The following DAB1 variants were observed in gnomAD, a reference collection of about 807,000 sequenced individuals.
DAB1 encodes disabled homolog 1.
Under a neutral mutation model 64.6 loss-of-function variants are expected in DAB1, and 15 were observed. That is an observed-to-expected ratio of 0.23 (90% confidence interval 0.16 to 0.36). The LOEUF (loss-of-function observed/expected upper bound fraction) is 0.36, where lower values mean the gene tolerates loss of function less well. Ranked by LOEUF, DAB1 falls within the 10% of genes least tolerant of loss-of-function variation. The pLI, the probability that DAB1 is intolerant of heterozygous loss-of-function variation, is 1.00. For synonymous variants in DAB1, 235 were observed against 251.9 expected (o/e 0.93, Z 0.64); for missense variants, 596 against 706.7 (o/e 0.84, Z 1.78).
chr1:57,195,697 A>G (rs1357230732), intron 2 of DAB1, among the ~76,000 whole-genome samples: 1 of 152,192 alleles, frequency 6.6e-6, no homozygotes, highest in Non-Finnish European at 1.5e-5. Flanking sequence ...AGCATCTCCT[A>G]ATTGTGTGAC....
chr1:57,810,324 A>G (rs1651560395), intron 6 of DAB1, among the ~76,000 whole-genome samples: 1 of 152,182 alleles, frequency 6.6e-6, no homozygotes, highest in African/African-American at 2.4e-5. Context: ...GCACAGGGTG[A>G]TGGAGGGAGA....
At chr1:58,117,253 T>A (rs1286609650) in intron 5 of DAB1, among the ~76,000 whole-genome samples, 1 of 152,212 alleles carries the variant, frequency 6.6e-6, no homozygotes, top group Admixed American at 6.5e-5. Context: ...AGTAAGTTAC[T>A]TATGCATGCC....
chr1:57,193,440 G>A (rs1278566009), intron 2 of DAB1, among the ~76,000 whole-genome samples: 1 of 130,210 alleles, frequency 7.7e-6, no homozygotes, highest in East Asian at 2.3e-4. Flanking sequence ...AGGCTGGAGT[G>A]CAGTGGCGCG....
intron 7 of DAB1, among the ~76,000 whole-genome samples, chr1:57,512,940 C>T (rs1644422103): frequency 1.3e-5 from 2 of 152,156 alleles, no homozygotes; most frequent in African/African-American, 4.8e-5. Context: ...TCTGGGAACA[C>T]CTGCAGAGCC....
At chr1:57,674,093 C>G (rs1646538349) in intron 6 of DAB1, among the ~76,000 whole-genome samples, 1 of 152,138 alleles carries the variant, frequency 6.6e-6, no homozygotes, top group South Asian at 2.1e-4. Flanking sequence ...CAGAGAGAAT[C>G]AGCTTAAAAG....
At chr1:57,262,317 A>C (rs1055608653) in intron 2 of DAB1, among the ~76,000 whole-genome samples, 1 of 152,162 alleles carries the variant, frequency 6.6e-6, no homozygotes, top group Non-Finnish European at 1.5e-5. Context: ...AATCACATCA[A>C]CTCCAATCAT....
chr1:58,435,139 G>T (rs1644927289), intron 3 of DAB1, among the ~76,000 whole-genome samples: 1 of 152,138 alleles, frequency 6.6e-6, no homozygotes, highest in Admixed American at 6.5e-5. Context: ...TGGGAGATTG[G>T]TGGGCAGGAG....
intron 1 of DAB1, among the ~76,000 whole-genome samples, chr1:57,391,812 C>CACACACAG (rs1553176656): frequency 9.2e-5 from 13 of 141,796 alleles, no homozygotes; most frequent in African/African-American, 2.4e-4. Context: ...CACACACACA[C>CACACACAG]AGAGAGAGGA....
chr1:57,495,384 A>C (rs1644218407), intron 7 of DAB1, among the ~76,000 whole-genome samples: 1 of 152,168 alleles, frequency 6.6e-6, no homozygotes, highest in Non-Finnish European at 1.5e-5. Context: ...ATCATGCTGC[A>C]CTGTTTCTGG....
intron 1 of DAB1, among the ~76,000 whole-genome samples, chr1:57,856,023 T>C (rs1230155571): frequency 6.6e-6 from 1 of 152,140 alleles, no homozygotes; most frequent in Non-Finnish European, 1.5e-5. Flanking sequence ...CAGATAAATA[T>C]ACGATGTGAA....
chr1:57,210,555 T>C (rs1218946577), intron 2 of DAB1, among the ~76,000 whole-genome samples: 1 of 152,150 alleles, frequency 6.6e-6, no homozygotes, highest in Non-Finnish European at 1.5e-5. Context: ...TCATTAGTGG[T>C]ATACCAAAGG....
At chr1:58,233,317 C>G (rs972869062) in intron 4 of DAB1, among the ~76,000 whole-genome samples, 5 of 152,100 alleles carry the variant, frequency 3.3e-5, no homozygotes, top group Non-Finnish European at 7.4e-5. Flanking sequence ...ATCATTATCC[C>G]CAATTCATAG....
rs536414575 is a variant in DAB1 at position 58,472,374 on chromosome 1, G to T, written n.257+33686C>A. ...GAGATGTGGCCTCCCCTTGTCCTTG[G>T]TATATTTGGTCCTGATATAACTTTA... On this transcript the variant is annotated intron_variant and non_coding_transcript_variant, in intron 3 of 20. Transcript: ENST00000485760. Among the ~76,000 whole-genome samples, 3 of 152,244 alleles carry T rather than the reference G, an allele frequency of 2.0e-5. No individual in the cohort carries two copies. In the South Asian group the frequency reaches 6.2e-4, roughly 32 times the overall value.
At chr1:57,577,368 GC>G (rs1349783761) in intron 7 of DAB1, among the ~76,000 whole-genome samples, 2 of 151,908 alleles carry the variant, frequency 1.3e-5, no homozygotes, top group African/African-American at 4.8e-5. Flanking sequence ...TGTTTGACAG[GC>G]TGGGACCTCT....
chr1:57,943,011 A>T (rs188849387), intron 5 of DAB1, among the ~76,000 whole-genome samples: 33 of 152,332 alleles, frequency 2.2e-4, no homozygotes, highest in African/African-American at 7.2e-4. Flanking sequence ...AATTAACTTC[A>T]TAACAGTGCT....
intron 7 of DAB1, among the ~76,000 whole-genome samples, chr1:57,530,506 A>G (rs1275827271): frequency 6.6e-6 from 1 of 152,230 alleles, no homozygotes; most frequent in Non-Finnish European, 1.5e-5. Context: ...TCTTTACTAC[A>G]TGATCTAATA....
At chr1:57,337,387 G>A (rs2100815753) in intron 1 of DAB1, among the ~76,000 whole-genome samples, 1 of 152,080 alleles carries the variant, frequency 6.6e-6, no homozygotes, top group South Asian at 2.1e-4. Context: ...AAACACACAG[G>A]GCTCACCCCT....
At chr1:57,337,897 CT>C (rs1677221841) in intron 1 of DAB1, among the ~76,000 whole-genome samples, 1 of 129,598 alleles carries the variant, frequency 7.7e-6, no homozygotes, top group African/African-American at 2.8e-5. Flanking sequence ...CTTCCCTTCC[CT>C]TCCCTTCCCT....
At position 58,488,730 on chromosome 1, in the gene DAB1, G is replaced by A. The variant is rs185530827; in HGVS notation, n.257+17330C>T. 5.2e-4 allele frequency among the ~76,000 whole-genome samples: 79 copies of A among 152,266 alleles called. No individual in the cohort carries two copies. The East Asian group carries it at 8.1e-3, about 16-fold the overall frequency. The stretch of plus-strand genomic sequence containing the variant: ...CTCCAAAAGTGCTGGGATTACAGGC[G>A]TGAGCCACCACGCCCAGCCCCAGTG... On this transcript the variant is annotated intron_variant and non_coding_transcript_variant, in intron 3 of 20. Coordinates refer to the DAB1 transcript ENST00000485760.
Sources: gnomAD v4.1 joint callset for allele counts (sites outside exome capture counted in the v4.1 genomes callset) on GRCh38, gnomAD v4.1.1 for gene constraint, MANE v1.5 for transcripts, NCBI Gene and HGNC (gene_info 2026-07-23, HGNC 2026-07-21) for gene names.